Variants in IKBKE observed in about 807,000 individuals in gnomAD.
The protein encoded by IKBKE is inhibitor of nuclear factor kappa B kinase subunit epsilon, also known as inhibitor of nuclear factor kappa-B kinase subunit epsilon.
In IKBKE, 45 loss-of-function variants were observed where a neutral mutation model predicts 92.1. That is an observed-to-expected ratio of 0.49 (90% CI 0.38 to 0.63). The LOEUF is 0.63. Ranked by LOEUF, IKBKE falls within the 20% of genes least tolerant of loss-of-function variation. The pLI is 0.00. For synonymous variants in IKBKE, 374 were observed against 380.3 expected (o/e 0.98, Z 0.19); for missense variants, 700 against 932.8 (o/e 0.75, Z 3.25).
At chr1:206,481,395 C>A (rs542631261) in intron 13 of IKBKE, among the ~76,000 whole-genome samples, 1 of 152,230 alleles carries the variant, frequency 6.6e-6, no homozygotes, top group Non-Finnish European at 1.5e-5. Flanking sequence ...CATGCAGCCC[C>A]GCGTGCCTCC....
chr1:206,491,744 G>A lies in IKBKE; in HGVS notation c.1830G>A (p.Arg610=), dbSNP rs1665961684. The A allele has an allele frequency of 3.1e-6, 5 of 1,611,874 alleles. No individual in the cohort carries two copies. Among genetic ancestry groups the A allele is most frequent in the Middle Eastern group, 1.7e-4 (1 of 6,054 alleles). The part of the protein sequence containing the change: ...YQASLVTHGK[R]MRVVHETRNH... Reference sequence around the variant, plus strand: ...CGTCCTTAGTCACACACGGCAAGAGGATGAGGTAACAGCCCCTCCTGAGCT... The same window carrying A: ...CGTCCTTAGTCACACACGGCAAGAGAATGAGGTAACAGCCCCTCCTGAGCT... Residue 610 remains arginine (R), a synonymous_variant, in exon 18 of 22, where the codon AGG becomes AGA. Transcript: ENST00000581977.
intron 7 of IKBKE, among the ~76,000 whole-genome samples, chr1:206,477,039 C>CTA (rs1665106796): frequency 1.3e-5 from 2 of 152,338 alleles, no homozygotes; most frequent in Admixed American, 6.5e-5. Context: ...TGATGGGAGT[C>CTA]TGTGAATATG....
In IKBKE at chr1:206,486,258, C is replaced by T. The variant is rs545821346; in HGVS notation, c.1616+952C>T. 5.9e-5 allele frequency among the ~76,000 whole-genome samples: 9 copies of T among 152,342 alleles called. No homozygotes were observed. The South Asian group carries it at 1.4e-3, about 25-fold the overall frequency. ...AAATTGCCTTTCTGATATCAGAAGA[C>T]GATTCTCAATTCAGAGCACATTTGG... On this transcript the variant is annotated intron_variant, in intron 15 of 21. Coordinates refer to ENST00000581977, the MANE Select transcript of IKBKE (RefSeq NM_014002.4).
chr1:206,480,113 T>C lies in IKBKE; in HGVS notation c.1340T>C (p.Met447Thr), dbSNP rs1174548942. Residue 447 changes from methionine (M) to threonine (T), a missense_variant and splice_region_variant, in exon 12 of 22, where the codon ATG becomes ACG. Transcript: ENST00000581977. ...ATGTTTCGGGGGCTGCACTGGGTCA[T>C]GTGAGTAATCATGAGGGCTGGGCAC... Reference protein sequence around the residue: ...ELMFRGLHWVMEVLQATCRRT... With the variant: ...ELMFRGLHWVTEVLQATCRRT... The C allele has an allele frequency of 1.0e-5, 16 of 1,551,270 alleles. No homozygotes were observed. Among genetic ancestry groups the C allele is most frequent in the Non-Finnish European group, 1.4e-5 (16 of 1,151,304 alleles).
At chr1:206,495,136 C>T (rs1353328362) in intron 21 of IKBKE, among the ~76,000 whole-genome samples, 1 of 152,086 alleles carries the variant, frequency 6.6e-6, no homozygotes, top group Non-Finnish European at 1.5e-5. Context: ...TACACACGTG[C>T]ACGCATCTCC....
chr1:206,477,976 G>A, intron 8 of IKBKE, 117 bp downstream of exon 8: 1 of 881,120 alleles, frequency 1.1e-6, no homozygotes, highest in Non-Finnish European at 1.8e-6. Flanking sequence ...TGCAGGCTTG[G>A]GCACACCACT....
chr1:206,471,806 T>A (rs540242224), intron 2 of IKBKE, among the ~76,000 whole-genome samples: 5 of 152,348 alleles, frequency 3.3e-5, no homozygotes, highest in African/African-American at 1.2e-4. Flanking sequence ...AATGACATTA[T>A]CAAGGATTTG....
chr1:206,493,821 C>A (rs782062095), intron 20 of IKBKE, 99 bp from the exon 21 acceptor site: 312 of 848,146 alleles, frequency 3.7e-4, no homozygotes, highest in Non-Finnish European at 5.0e-4. Context: ...AAAGAGGCTT[C>A]TTTGGTGGGG....
At position 206,493,296 on chromosome 1, in the gene IKBKE, C is replaced by T; in HGVS notation, c.1963C>T (p.Gln655Ter). 1 of 1,614,110 alleles carries T rather than the reference C, an allele frequency of 6.2e-7. No homozygotes were observed. The highest frequency in any genetic ancestry group is 8.5e-7 in the Non-Finnish European group (1 of 1,180,006). The change falls in exon 20 of 22, where the codon CAG becomes TAG. Residue 655 changes from glutamine to a stop codon, truncating the protein, a stop_gained. Transcript: ENST00000581977. LOFTEE classifies it high-confidence loss of function. ...LLEELSHQLL[Q>*]DRAKGAQASP... The stretch of plus-strand genomic sequence containing the variant: ...GGAAGAGCTATCTCACCAGCTCCTT[C>T]AGGACCGAGCAAAGGGGGCTCAGGC...
rs1553389880 is a variant in IKBKE at position 206,490,008 on chromosome 1, G to C, written c.1694-811G>C. On this transcript the variant is annotated intron_variant, in intron 16 of 21. Transcript: ENST00000581977. The surrounding 1 kb of genome is among the most constrained non-coding windows in gnomAD (Gnocchi z 5.2). ...CTCACGGGACTCCCAAGTGGCACCT[G>C]TGATGGATAAGGAGACAGGCTCAGC... 2.6e-5 allele frequency among the ~76,000 whole-genome samples: 4 copies of C among 152,234 alleles called. No homozygotes were observed. Among genetic ancestry groups the C allele is most frequent in the Admixed American group, 2.6e-4 (4 of 15,292 alleles).
At position 206,477,764 on chromosome 1, in the gene IKBKE, G is replaced by A. The variant is rs2297545; in HGVS notation, c.717G>A (p.Thr239=). Residue 239 remains threonine (T), a synonymous_variant, in exon 8 of 22, where the codon ACG becomes ACA. Coordinates refer to ENST00000581977, the MANE Select transcript of IKBKE (RefSeq NM_014002.4). ...RNKEIMYRIT[T]EKPAGAIAGA... Reference sequence around the variant, plus strand: ...CTCCCCGCAGGTACCGGATCACCACGGAGAAGCCGGCTGGGGCCATTGCAG... The same window carrying A: ...CTCCCCGCAGGTACCGGATCACCACAGAGAAGCCGGCTGGGGCCATTGCAG... 363,724 of 1,561,746 alleles carry A rather than the reference G, an allele frequency of 0.23. 46,650 individuals carry two copies. Among genetic ancestry groups the A allele is most frequent in the East Asian group, 0.58 (24,339 of 41,708 alleles).
intron 2 of IKBKE, among the ~76,000 whole-genome samples, chr1:206,471,876 G>T (rs1298940862): frequency 6.6e-6 from 1 of 152,228 alleles, no homozygotes; most frequent in Admixed American, 6.5e-5. Flanking sequence ...AGGATTCCAG[G>T]CATGGCAACC....
intron 4 of IKBKE, 91 bp from the exon 5 acceptor site, chr1:206,474,774 G>C: frequency 6.7e-7 from 1 of 1,485,638 alleles, no homozygotes; most frequent in Non-Finnish European, 9.2e-7. Context: ...CTGGAGAATG[G>C]GGGCTCTGGG....
In IKBKE at chr1:206,470,480, C is replaced by T. The variant is rs1664713274; in HGVS notation, c.-341C>T. 1 of 152,380 alleles carries T rather than the reference C, an allele frequency of 6.6e-6. No individual in the cohort carries two copies. The highest frequency in any genetic ancestry group is 2.4e-5 in the African/African-American group (1 of 41,470). 9.4% of individuals were successfully genotyped at this position (152,380 alleles called of 1,614,324 possible). A position where few individuals can be genotyped will look rare whatever the true frequency, so the allele number is the denominator to read the frequency against. On this transcript the variant is annotated 5_prime_UTR_variant, in exon 1 of 22. Transcript: ENST00000581977. ...GAGAGCTGAGAGCCAGGACTCAGTG[C>T]TGAGCTTGGTGTCCCACCGCCACAA...
At chr1:206,483,480 C>T (rs782032461) in intron 13 of IKBKE, among the ~76,000 whole-genome samples, 1 of 152,204 alleles carries the variant, frequency 6.6e-6, no homozygotes, top group Non-Finnish European at 1.5e-5. Context: ...ACGAGACGTA[C>T]GAGGAGCAAA....
rs2103489964 is a variant in IKBKE, at chr1:206,496,210, A to G, written c.*65A>G. ...GATTCCAACACTGCTCTTCTGCACC[A>G]TGAGACCAACCCAGGGCAAGATCCC... On this transcript the variant is annotated 3_prime_UTR_variant, in exon 22 of 22. Transcript: ENST00000581977. 7.3e-7 allele frequency: 1 copy of G among 1,362,052 alleles called. No individual in the cohort carries two copies. The highest frequency in any genetic ancestry group is 1.2e-5 in the South Asian group (1 of 86,244). The allele number at this position is 1,362,052 out of a possible 1,614,324, so 84.4% of individuals were successfully genotyped here.
chr1:206,489,619 C>T (rs1665847929), intron 16 of IKBKE, among the ~76,000 whole-genome samples: 1 of 151,912 alleles, frequency 6.6e-6, no homozygotes, highest in African/African-American at 2.4e-5. Context: ...GGAGGATCAC[C>T]TGAGCCTGGG....
rs1665905876 is a variant in IKBKE at position 206,490,764 on chromosome 1, C to T, written c.1694-55C>T. On this transcript the variant is annotated intron_variant, in intron 16 of 21. Coordinates refer to ENST00000581977, the MANE Select transcript of IKBKE (RefSeq NM_014002.4). The surrounding 1 kb of genome is among the most constrained non-coding windows in gnomAD (Gnocchi z 5.2). ...TAACTGTCTCTCGACCTTTGCTGCA[C>T]ACTGTTTCGTTGACTGATTGAATAG... The T allele has an allele frequency of 5.7e-6, 9 of 1,569,468 alleles. No individual in the cohort carries two copies. The highest frequency in any genetic ancestry group is 7.9e-6 in the Non-Finnish European group (9 of 1,139,278).
intron 20 of IKBKE, 89 bp from the exon 21 acceptor site, chr1:206,493,831 G>A (rs1257575137): frequency 1.1e-5 from 10 of 912,572 alleles, no homozygotes; most frequent in Non-Finnish European, 1.7e-5. Context: ...CTTTGGTGGG[G>A]CTGCAGAGGA....
Sources: allele counts gnomAD v4.1 joint callset (sites outside exome capture counted in the v4.1 genomes callset), GRCh38; gene constraint gnomAD v4.1.1; non-coding constraint Gnocchi (gnomAD v3.1); transcripts MANE v1.5; gene names NCBI Gene and HGNC (gene_info 2026-07-23, HGNC 2026-07-21).